SGCZ: variants seen among roughly 807,000 people sequenced by gnomAD.
SGCZ encodes the protein zeta-sarcoglycan.
A neutral mutation model predicts 41.3 loss-of-function variants in SGCZ; 40 were observed. The ratio of observed to expected loss-of-function variants is 0.97; its 90% CI spans 0.75 to 1.26. The LOEUF (loss-of-function observed/expected upper bound fraction) is 1.26, where lower values mean the gene tolerates loss of function less well. Among genes scored for constraint, SGCZ ranks in the 50% most tolerant of loss-of-function variants. The pLI is 0.00. For synonymous variants in SGCZ, 206 were observed against 137.5 expected (o/e 1.50, Z -3.49); for missense variants, 552 against 369.8 (o/e 1.49, Z -4.04).
chr8:14,480,310 A>T (rs1473336481), intron 2 of SGCZ, among the ~76,000 whole-genome samples: 7 of 152,094 alleles, frequency 4.6e-5, no homozygotes, highest in African/African-American at 1.4e-4. Flanking sequence ...ATCTACAATC[A>T]CTGCTCCTTG....
intron 1 of SGCZ, among the ~76,000 whole-genome samples, chr8:14,897,270 A>G (rs968542764): frequency 1.3e-5 from 2 of 152,358 alleles, no homozygotes; most frequent in African/African-American, 4.8e-5. Flanking sequence ...ATAATAAACT[A>G]TTAATAAAAT....
chr8:14,479,334 G>A (rs7842935), intron 2 of SGCZ, among the ~76,000 whole-genome samples: 138,800 of 152,146 alleles, frequency 0.91, 64,429 homozygotes, highest in East Asian at 1. Context: ...ATAGAGGCCC[G>A]GAGACTCAGC....
At chr8:14,525,091 A>C (rs1056691114) in intron 2 of SGCZ, among the ~76,000 whole-genome samples, 11 of 152,118 alleles carry the variant, frequency 7.2e-5, no homozygotes, top group African/African-American at 2.7e-4. Flanking sequence ...ACACATAGAT[A>C]GATAGACACA....
intron 1 of SGCZ, among the ~76,000 whole-genome samples, chr8:14,584,826 T>C (rs1228888091): frequency 6.6e-6 from 1 of 152,210 alleles, no homozygotes; most frequent in African/African-American, 2.4e-5. Context: ...GTATTCACTG[T>C]ATGATCACAA....
chr8:15,129,611 A>G (rs1807824283), intron 1 of SGCZ, among the ~76,000 whole-genome samples: 1 of 151,750 alleles, frequency 6.6e-6, no homozygotes, highest in Admixed American at 6.6e-5. Flanking sequence ...AGTGCTTGAT[A>G]ACCAGCCATG....
chr8:14,702,664 C>T (rs1809175499), intron 1 of SGCZ, among the ~76,000 whole-genome samples: 1 of 151,752 alleles, frequency 6.6e-6, no homozygotes, highest in South Asian at 2.1e-4. Flanking sequence ...AAGTCAAACA[C>T]CTTGGGGTCA....
intron 1 of SGCZ, among the ~76,000 whole-genome samples, chr8:14,647,162 A>C (rs2117445701): frequency 6.6e-6 from 1 of 152,142 alleles, no homozygotes; most frequent in East Asian, 1.9e-4. Context: ...TTTAAGAGAA[A>C]ATGTTTTAGT....
chr8:14,428,531 A>C (rs1023733065), intron 2 of SGCZ, among the ~76,000 whole-genome samples: 1 of 152,202 alleles, frequency 6.6e-6, no homozygotes, highest in Non-Finnish European at 1.5e-5. Context: ...AATTTTACTA[A>C]CGATTGGTTA....
At chr8:14,456,146 C>T (rs749656631) in intron 2 of SGCZ, among the ~76,000 whole-genome samples, 1 of 152,140 alleles carries the variant, frequency 6.6e-6, no homozygotes, top group African/African-American at 2.4e-5. Flanking sequence ...CGGTGGCTCA[C>T]ACCTGTAATC....
chr8:14,530,298 T>C (rs1316871887), intron 2 of SGCZ, among the ~76,000 whole-genome samples: 1 of 152,078 alleles, frequency 6.6e-6, no homozygotes, highest in Non-Finnish European at 1.5e-5. Context: ...AGTGATCTTA[T>C]ATGAAAATTT....
intron 1 of SGCZ, among the ~76,000 whole-genome samples, chr8:15,236,275 C>T (rs905027616): frequency 2.6e-5 from 4 of 152,188 alleles, no homozygotes; most frequent in African/African-American, 9.6e-5. Flanking sequence ...TCTGGGGCGC[C>T]TGGAGAACTG....
intron 1 of SGCZ, among the ~76,000 whole-genome samples, chr8:14,974,469 A>T (rs1434146217): frequency 1.3e-5 from 2 of 152,182 alleles, no homozygotes; most frequent in Non-Finnish European, 2.9e-5. Flanking sequence ...CGCTAACCTG[A>T]TGAGCATTTC....
chr8:14,467,474 C>T (rs1801084695), intron 2 of SGCZ, among the ~76,000 whole-genome samples: 2 of 152,020 alleles, frequency 1.3e-5, no homozygotes, highest in Non-Finnish European at 2.9e-5. Context: ...CACTCTGGTT[C>T]CCTAAAACTG....
chr8:14,833,588 C>G (rs1802601377), intron 1 of SGCZ, among the ~76,000 whole-genome samples: 1 of 152,132 alleles, frequency 6.6e-6, no homozygotes, highest in African/African-American at 2.4e-5. Flanking sequence ...AGCCTTAACA[C>G]CTCAGGTTTT....
chr8:14,773,693 G>A (rs1026382650), intron 1 of SGCZ, among the ~76,000 whole-genome samples: 1 of 152,136 alleles, frequency 6.6e-6, no homozygotes, highest in Non-Finnish European at 1.5e-5. Context: ...AAAGGGAGAA[G>A]ATTAACATGC....
intron 2 of SGCZ, among the ~76,000 whole-genome samples, chr8:14,402,858 G>A (rs1290021731): frequency 6.7e-6 from 1 of 149,562 alleles, no homozygotes; most frequent in Non-Finnish European, 1.5e-5. Flanking sequence ...GGATGGCATT[G>A]AATCTGTAAA....
chr8:14,723,227 A>G (rs1437458472), intron 1 of SGCZ, among the ~76,000 whole-genome samples: 1 of 152,234 alleles, frequency 6.6e-6, no homozygotes, highest in Non-Finnish European at 1.5e-5. Flanking sequence ...GAGAAAATGC[A>G]GAATGTGAAT....
intron 2 of SGCZ, among the ~76,000 whole-genome samples, chr8:14,357,180 C>T (rs766857037): frequency 2.6e-5 from 4 of 151,942 alleles, no homozygotes; most frequent in Non-Finnish European, 5.9e-5. Flanking sequence ...ATATAAAAAC[C>T]ACAGATACTT....
At chr8:14,376,209 G>A (rs138538102) in intron 2 of SGCZ, among the ~76,000 whole-genome samples, 1,640 of 152,244 alleles carry the variant, frequency 0.011, 27 homozygotes, top group African/African-American at 0.036. Context: ...TACACAGGAG[G>A]CTGAGGCAGG....
Sources: gnomAD v4.1 joint callset for allele counts (sites outside exome capture counted in the v4.1 genomes callset) on GRCh38, gnomAD v4.1.1 for gene constraint, MANE v1.5 for transcripts, NCBI Gene and HGNC (gene_info 2026-07-23, HGNC 2026-07-21) for gene names.